The following NRL variants were observed in gnomAD, a reference collection of about 807,000 sequenced individuals.
The protein encoded by NRL is neural retina-specific leucine zipper protein.
Under a neutral mutation model 12.5 loss-of-function variants are expected in NRL, and 16 were observed. The ratio of observed to expected loss-of-function variants is 1.28; its 90% CI spans 0.87 to 1.95. The LOEUF (loss-of-function observed/expected upper bound fraction) is 1.95. NRL is among the 30% of genes most tolerant of loss of function. The pLI is 0.00. For synonymous variants in NRL, 142 were observed against 150.9 expected, an observed-to-expected ratio of 0.94 and a Z score of 0.43; for missense variants, 314 against 325.8, an observed-to-expected ratio of 0.96 and a Z score of 0.28.
chr14:24,108,150 C>A (rs2037367100), intron 1 of NRL, among the ~76,000 whole-genome samples: 1 of 152,182 alleles, frequency 6.6e-6, no homozygotes, highest in African/African-American at 2.4e-5. Flanking sequence ...CTTCCCCAAA[C>A]CTGGAATCAG....
chr14:24,114,081 C>A (rs1594327952), intron 1 of NRL: 1 of 152,616 alleles, frequency 6.6e-6, no homozygotes, highest in East Asian at 1.9e-4. Flanking sequence ...CACCCTGGAC[C>A]CGCGGCCGGG....
At position 24,079,358 on chromosome 14, in the gene NRL, G is replaced by A. The variant is rs743271; in HGVS notation, c.*1878C>T. Among the ~76,000 whole-genome samples the A allele has an allele frequency of 0.52, 79,750 of 152,068 alleles. 24,130 individuals carry two copies. Among genetic ancestry groups the A allele is most frequent in the Middle Eastern group, 0.7 (204 of 292 alleles). On this transcript the variant is annotated 3_prime_UTR_variant, in exon 3 of 3. Coordinates refer to ENST00000561028, the MANE Select transcript of NRL (RefSeq NM_001354768.3). Reference sequence around the variant, plus strand: ...GTGAGAGAAAAAGAGCTGGGCTCCCGGAAGGACCCTCCCTGCCCCATCCTC... The same window carrying A: ...GTGAGAGAAAAAGAGCTGGGCTCCCAGAAGGACCCTCCCTGCCCCATCCTC...
intron 1 of NRL, among the ~76,000 whole-genome samples, chr14:24,092,624 A>G (rs1428746849): frequency 3.3e-5 from 5 of 152,204 alleles, no homozygotes; most frequent in African/African-American, 1.2e-4. Flanking sequence ...CCAAATACAT[A>G]TACCTGAGGT....
intron 1 of NRL, among the ~76,000 whole-genome samples, chr14:24,091,471 G>A (rs140095277): frequency 6.6e-6 from 1 of 152,234 alleles, no homozygotes; most frequent in East Asian, 1.9e-4. Context: ...GGGGATGTGG[G>A]GGTGACAACA....
At chr14:24,111,532 C>T (rs562302269) in intron 1 of NRL, among the ~76,000 whole-genome samples, 11 of 146,590 alleles carry the variant, frequency 7.5e-5, no homozygotes, top group East Asian at 2.0e-4. Flanking sequence ...TGCCACCACA[C>T]TCGGCTTTTT....
rs971209123 is a variant in NRL at position 24,089,203 on chromosome 14, C to T, written c.-27-6328G>A. Among the ~76,000 whole-genome samples the T allele has an allele frequency of 2.0e-4, 30 of 152,222 alleles. 1 individual carries two copies. Among genetic ancestry groups the T allele is most frequent in the African/African-American group, 6.3e-4 (26 of 41,540 alleles). The stretch of plus-strand genomic sequence containing the variant: ...CCACCCGCCTCAGCCTCCCAAAGCG[C>T]TGGGGTTATAGGCATGAGCCACTGC... On this transcript the variant is annotated intron_variant, in intron 1 of 2. Transcript: ENST00000561028.
intron 1 of NRL, among the ~76,000 whole-genome samples, chr14:24,108,798 C>T (rs566599539): frequency 6.6e-6 from 1 of 152,272 alleles, no homozygotes; most frequent in Admixed American, 6.5e-5. Context: ...GCACACTCTC[C>T]ATTTCCATCG....
At chr14:24,103,208 T>A in intron 1 of NRL, 2 of 1,614,142 alleles carry the variant, frequency 1.2e-6, no homozygotes, top group Non-Finnish European at 1.7e-6. Context: ...GGGGTGTTTG[T>A]GGGCAGCGCC....
In NRL at chr14:24,094,061, G is replaced by A. The variant is rs2036730619; in HGVS notation, c.-27-11186C>T. ...TTACATCATGTGCGGCTGGGAGGGC[G>A]GTGGCGGATGGGGGGCGGGGCCTCG... On this transcript the variant is annotated intron_variant, in intron 1 of 2. Coordinates refer to ENST00000561028, the MANE Select transcript of NRL (RefSeq NM_001354768.3). The surrounding 1 kb of genome is among the most constrained non-coding windows in gnomAD (Gnocchi z 4.1). 1.9e-6 allele frequency: 1 copy of A among 537,212 alleles called. No individual in the cohort carries two copies. The highest frequency in any genetic ancestry group is 3.3e-6 in the Non-Finnish European group (1 of 306,598). 33.3% of individuals were successfully genotyped at this position (537,212 alleles called of 1,614,324 possible).
intron 1 of NRL, chr14:24,103,771 C>T (rs1363815879): frequency 1.9e-6 from 3 of 1,614,034 alleles, no homozygotes; most frequent in Non-Finnish European, 2.5e-6. Flanking sequence ...GGGCTGGTGC[C>T]AAAGGAAGGA....
chr14:24,102,262 T>A (rs1291682272), intron 1 of NRL, among the ~76,000 whole-genome samples: 1 of 152,176 alleles, frequency 6.6e-6, no homozygotes, highest in Non-Finnish European at 1.5e-5. Context: ...CCTATTTGCA[T>A]TTGGATAACT....
At chr14:24,083,502 A>G (rs1462490798) in intron 1 of NRL, among the ~76,000 whole-genome samples, 1 of 152,230 alleles carries the variant, frequency 6.6e-6, no homozygotes, top group Non-Finnish European at 1.5e-5. Flanking sequence ...TTAGTTCTAG[A>G]AAGATCAGAA....
At chr14:24,082,367 C>T in intron 2 of NRL, 101 bp downstream of exon 2, 1 of 1,467,400 alleles carries the variant, frequency 6.8e-7, no homozygotes, top group Non-Finnish European at 9.5e-7. Flanking sequence ...CCTCTGTCCC[C>T]TGTCCCAGTC....
intron 1 of NRL, among the ~76,000 whole-genome samples, chr14:24,088,199 T>G (rs1433823183): frequency 6.6e-6 from 1 of 152,048 alleles, no homozygotes; most frequent in African/African-American, 2.4e-5. Flanking sequence ...AGGACCACAC[T>G]CCAGATAGCT....
chr14:24,099,752 T>C (rs1048829097), intron 1 of NRL: 2 of 1,604,568 alleles, frequency 1.2e-6, no homozygotes, highest in Non-Finnish European at 8.5e-7. Flanking sequence ...CTCTTGGTTC[T>C]GGCTCTTGTC....
chr14:24,111,325 C>G (rs2037415636), intron 1 of NRL, among the ~76,000 whole-genome samples: 1 of 151,776 alleles, frequency 6.6e-6, no homozygotes, highest in Non-Finnish European at 1.5e-5. Context: ...GATTCTTCAG[C>G]AGATCAACTA....
At chr14:24,109,038 A>G (rs1173771434) in intron 1 of NRL, among the ~76,000 whole-genome samples, 1 of 152,232 alleles carries the variant, frequency 6.6e-6, no homozygotes, top group Non-Finnish European at 1.5e-5. Context: ...AAGACAGGTC[A>G]GGCAGGAAGT....
intron 1 of NRL, among the ~76,000 whole-genome samples, chr14:24,083,961 C>G (rs1476185274): frequency 6.6e-6 from 1 of 152,208 alleles, no homozygotes. Flanking sequence ...AGATACCCTT[C>G]CCAGCCTTGA....
intron 1 of NRL, among the ~76,000 whole-genome samples, chr14:24,105,213 C>T (rs1463747251): frequency 1.3e-5 from 2 of 152,276 alleles, no homozygotes; most frequent in East Asian, 3.8e-4. Context: ...GCACAGATCG[C>T]TCATGCTATT....
Sources: allele counts gnomAD v4.1 joint callset (sites outside exome capture counted in the v4.1 genomes callset), GRCh38; gene constraint gnomAD v4.1.1; non-coding constraint Gnocchi (gnomAD v3.1); transcripts MANE v1.5; gene names NCBI Gene and HGNC (gene_info 2026-07-23, HGNC 2026-07-21).